LSG1: variants seen among roughly 807,000 people sequenced by gnomAD.
The protein encoded by LSG1 is large 60S subunit nuclear export GTPase 1.
Under a neutral mutation model 82.6 loss-of-function variants are expected in LSG1, and 55 were observed. That is an observed-to-expected ratio of 0.67 (90% CI 0.54 to 0.83). LSG1 has a LOEUF of 0.83. LSG1 is among the 40% of genes least tolerant of loss of function. The pLI, the probability that LSG1 is intolerant of heterozygous loss-of-function variation, is 0.00. For missense variants in LSG1, 809 were observed against 807.9 expected, an observed-to-expected ratio of 1.00 and a Z score of -0.02; for synonymous variants, 272 against 282.5, an observed-to-expected ratio of 0.96 and a Z score of 0.37.
intron 10 of LSG1, 33 bp from the exon 11 acceptor site, chr3:194,648,837 G>GAC (rs1718610935): frequency 3.1e-6 from 5 of 1,612,080 alleles, no homozygotes; most frequent in Non-Finnish European, 4.2e-6. Flanking sequence ...CTCTTGAACG[G>GAC]ACTCCCTCCT....
chr3:194,671,929 G>A (rs1156929783), intron 1 of LSG1, 135 bp downstream of exon 1: 2 of 766,848 alleles, frequency 2.6e-6, no homozygotes, highest in African/African-American at 3.5e-5. Context: ...TACTCAGCTT[G>A]GCAGAAACTC....
Position 194,641,809 on chromosome 3 carries a change from T to A in LSG1, c.*259A>T. ...TTTTGTATTTTTAGTAGAGACGGGG[T>A]TTCTCCATGTTGGTGCGTGAGCCAC... On this transcript the variant is annotated 3_prime_UTR_variant, in exon 14 of 14. Coordinates refer to ENST00000265245, the MANE Select transcript of LSG1 (RefSeq NM_018385.3). 3.1e-6 allele frequency: 1 copy of A among 324,452 alleles called. No homozygotes were observed. Among genetic ancestry groups the A allele is most frequent in the Non-Finnish European group, 5.6e-6 (1 of 179,532 alleles). The allele number at this position is 324,452 out of a possible 1,614,324, so 20.1% of individuals were successfully genotyped here.
chr3:194,663,052 A>G (rs1718965651), intron 5 of LSG1, among the ~76,000 whole-genome samples: 1 of 152,236 alleles, frequency 6.6e-6, no homozygotes, highest in Non-Finnish European at 1.5e-5. Context: ...GGAAAGACAG[A>G]TAATATAGGA....
intron 7 of LSG1, among the ~76,000 whole-genome samples, chr3:194,657,242 G>A (rs1286626618): frequency 3.3e-5 from 5 of 149,850 alleles, no homozygotes; most frequent in African/African-American, 1.2e-4. Flanking sequence ...AAAGATCACA[G>A]AGCTGTATCC....
intron 1 of LSG1, among the ~76,000 whole-genome samples, chr3:194,670,632 C>T (rs376401407): frequency 5.3e-4 from 81 of 152,282 alleles, no homozygotes; most frequent in African/African-American, 1.9e-3. Context: ...AAACCACACC[C>T]TATTACATGC....
chr3:194,648,531 A>G, intron 11 of LSG1, 150 bp downstream of exon 11: 1 of 947,626 alleles, frequency 1.1e-6, no homozygotes, highest in Non-Finnish European at 1.5e-6. Context: ...CAAGGCCCAC[A>G]GAGACGAAAG....
Position 194,672,104 on chromosome 3 carries a change from T to G in LSG1, c.59A>C (p.Gln20Pro). The stretch of plus-strand genomic sequence containing the variant: ...ACGATGGCTTCGGCTCCGCTGAGTC[T>G]GATGGCGCATAAGGGCCCGTCCCAG... Reference protein sequence around the residue: ...GSLGRALMRHQTQRSRSHRHT... With the variant: ...GSLGRALMRHPTQRSRSHRHT... Residue 20 changes from glutamine (Q) to proline (P), a missense_variant, in exon 1 of 14, where the codon CAG (glutamine) becomes CCG (proline). Coordinates refer to ENST00000265245, the MANE Select transcript of LSG1 (RefSeq NM_018385.3). 1.2e-6 allele frequency: 2 copies of G among 1,610,502 alleles called. No homozygotes were observed. The highest frequency in any genetic ancestry group is 2.7e-5 in the African/African-American group (2 of 75,028).
rs372001528 is a variant in LSG1, at chr3:194,646,221, C to T, written c.1566G>A (p.Ala522=). 89 of 1,613,832 alleles carry T rather than the reference C, an allele frequency of 5.5e-5. No individual in the cohort carries two copies. Among genetic ancestry groups the T allele is most frequent in the Admixed American group, 1.3e-4 (8 of 59,988 alleles). Residue 522 remains alanine (A), a synonymous_variant, in exon 12 of 14, where the codon GCG becomes GCA. Coordinates refer to ENST00000265245, the MANE Select transcript of LSG1 (RefSeq NM_018385.3). The stretch of plus-strand genomic sequence containing the variant: ...ATCGAGGCTGGTCTGGCTGTCCATG[C>T]GCTGTCATGAATCCTCGCATGTCTG... The part of the protein sequence containing the change: ...AYGYMRGFMT[A]HGQPDQPRSA...
At chr3:194,667,941 AAATAT>A (rs1310371852) in intron 2 of LSG1, among the ~76,000 whole-genome samples, 3 of 105,792 alleles carry the variant, frequency 2.8e-5, no homozygotes, top group East Asian at 2.3e-4. Flanking sequence ...AAAAAAAAAA[AAATAT>A]ATATATATAT....
Position 194,648,714 on chromosome 3 carries a change from G to T in LSG1, c.1510C>A (p.Pro504Thr), listed in dbSNP as rs1218338210. 1.2e-5 allele frequency: 19 copies of T among 1,613,928 alleles called. No homozygotes were observed. The highest frequency in any genetic ancestry group is 1.6e-5 in the Non-Finnish European group (19 of 1,179,980). Residue 504 changes from proline to threonine, a missense_variant, in exon 11 of 14, where the codon CCA (proline) becomes ACA (threonine). Coordinates refer to ENST00000265245, the MANE Select transcript of LSG1 (RefSeq NM_018385.3). ...PREDEDPHRP[P>T]TSEELLTAYG... Reference sequence around the variant, plus strand: ...GCTGTCAACAGTTCTTCCGATGTTGGAGGTCGGTGGGGATCTTCATCCTCT... The same window carrying T: ...GCTGTCAACAGTTCTTCCGATGTTGTAGGTCGGTGGGGATCTTCATCCTCT...
chr3:194,652,698 G>T (rs768221425), intron 8 of LSG1, 31 bp downstream of exon 8: 11 of 1,586,226 alleles, frequency 6.9e-6, no homozygotes, highest in Non-Finnish European at 7.7e-6. Flanking sequence ...ACAATCACGT[G>T]GTAACAATGT....
chr3:194,665,549 T>A lies in LSG1; in HGVS notation c.521+8A>T, dbSNP rs1277122042. 1 of 1,597,896 alleles carries A rather than the reference T, an allele frequency of 6.3e-7. No homozygotes were observed. ...GTCTTTATTACACAAAAGAAAATGATAATTCACCTTCTCTCAATGACTCTC... is the reference window on the plus strand; with the variant it reads ...GTCTTTATTACACAAAAGAAAATGAAAATTCACCTTCTCTCAATGACTCTC... On this transcript the variant is annotated splice_region_variant and intron_variant, in intron 5 of 13. Transcript: ENST00000265245.
intron 10 of LSG1, 125 bp downstream of exon 10, chr3:194,650,756 A>C: frequency 2.1e-6 from 2 of 942,476 alleles, no homozygotes; most frequent in Non-Finnish European, 3.1e-6. Context: ...CTCACAGTAT[A>C]AACTTGTGCA....
intron 7 of LSG1, among the ~76,000 whole-genome samples, chr3:194,657,428 TA>T (rs2108619001): frequency 6.7e-6 from 1 of 149,774 alleles, no homozygotes; most frequent in African/African-American, 2.4e-5. Flanking sequence ...TATCTTTCCA[TA>T]TAAAGATGGG....
intron 10 of LSG1, chr3:194,649,093 G>A (rs553720259): frequency 4.3e-5 from 12 of 278,412 alleles, no homozygotes; most frequent in South Asian, 3.2e-4. Context: ...AAAAGATTAC[G>A]CATTTGTGAT....
intron 12 of LSG1, among the ~76,000 whole-genome samples, chr3:194,645,575 G>GACACACACACACAC (rs57272537): frequency 6.0e-4 from 12 of 20,132 alleles, no homozygotes; most frequent in East Asian, 2.3e-3. Flanking sequence ...CACACAGACA[G>GACACACACACACAC]ACACACACAC....
intron 13 of LSG1, among the ~76,000 whole-genome samples, 178 bp downstream of exon 13, chr3:194,644,392 AAAT>A (rs1426663515): frequency 1.7e-4 from 16 of 95,798 alleles, no homozygotes; most frequent in South Asian, 7.9e-4. Context: ...AAAAATAAAT[AAAT>A]AAATAAATAA....
At chr3:194,647,509 C>T (rs1262431506) in intron 11 of LSG1, among the ~76,000 whole-genome samples, 1 of 152,186 alleles carries the variant, frequency 6.6e-6, no homozygotes, top group Admixed American at 6.5e-5. Context: ...AATTTACTGT[C>T]AGAGATTTTC....
Position 194,672,177 on chromosome 3 carries a change from T to G in LSG1, c.-15A>C. The G allele has an allele frequency of 6.3e-7, 1 of 1,577,604 alleles. No homozygotes were observed. The highest frequency in any genetic ancestry group is 8.6e-7 in the Non-Finnish European group (1 of 1,160,340). The stretch of plus-strand genomic sequence containing the variant: ...CTCCGGCCCATGGCAACACGACCGC[T>G]GGACGAAGCTTCCCGGCTCGGCGCG... On this transcript the variant is annotated 5_prime_UTR_variant, in exon 1 of 14. Transcript: ENST00000265245.
Sources: allele counts gnomAD v4.1 joint callset (sites outside exome capture counted in the v4.1 genomes callset), GRCh38; gene constraint gnomAD v4.1.1; transcripts MANE v1.5; gene names NCBI Gene and HGNC (gene_info 2026-07-23, HGNC 2026-07-21).